The following NRXN3 variants were observed in gnomAD, a reference collection of about 807,000 sequenced individuals.
NRXN3 encodes neurexin III.
Under a neutral mutation model 137.6 loss-of-function variants are expected in NRXN3, and 32 were observed. The ratio of observed to expected loss-of-function variants is 0.23; its 90% CI spans 0.18 to 0.31. The LOEUF is 0.31. NRXN3 is among the 10% of genes least tolerant of loss of function. The probability of loss-of-function intolerance (pLI) is 1.00; values close to 1 mark genes in which losing one functional copy is unlikely to be tolerated. For missense variants in NRXN3, 1,574 were observed against 2,062.5 expected, an observed-to-expected ratio of 0.76 and a Z score of 4.59; for synonymous variants, 798 against 784.5, an observed-to-expected ratio of 1.02 and a Z score of -0.29.
intron 4 of NRXN3, among the ~76,000 whole-genome samples, chr14:78,467,141 T>C (rs2095132023): frequency 6.6e-6 from 1 of 152,194 alleles, no homozygotes; most frequent in Non-Finnish European, 1.5e-5. Flanking sequence ...TGTTGTACCC[T>C]GAACACCTGG....
chr14:79,118,972 G>T (rs944486063), intron 15 of NRXN3, among the ~76,000 whole-genome samples: 3 of 152,124 alleles, frequency 2.0e-5, no homozygotes, highest in Non-Finnish European at 2.9e-5. Context: ...TTGCATGTAG[G>T]AGCAGTCATT....
intron 15 of NRXN3, among the ~76,000 whole-genome samples, chr14:79,170,786 C>T (rs1414561818): frequency 1.3e-5 from 2 of 151,830 alleles, no homozygotes; most frequent in Admixed American, 1.3e-4. Context: ...TGATACAACC[C>T]CTATAGGAAC....
At chr14:79,498,031 C>T (rs1389832260) in intron 16 of NRXN3, among the ~76,000 whole-genome samples, 1 of 152,024 alleles carries the variant, frequency 6.6e-6, no homozygotes, top group Non-Finnish European at 1.5e-5. Context: ...GAGATTCTGT[C>T]TCAGAAAACA....
chr14:78,572,160 C>T (rs1157803165), intron 4 of NRXN3, among the ~76,000 whole-genome samples: 1 of 152,144 alleles, frequency 6.6e-6, no homozygotes, highest in Non-Finnish European at 1.5e-5. Context: ...AATTACAGTT[C>T]AAATCTGGTG....
intron 4 of NRXN3, among the ~76,000 whole-genome samples, chr14:78,639,510 T>A (rs543766011): frequency 1.3e-5 from 2 of 152,314 alleles, no homozygotes; most frequent in East Asian, 3.9e-4. Context: ...AGTGTTATCT[T>A]CTCAGATTGG....
chr14:79,412,715 G>A (rs537757983), intron 15 of NRXN3, among the ~76,000 whole-genome samples: 5 of 143,940 alleles, frequency 3.5e-5, no homozygotes, highest in Non-Finnish European at 6.1e-5. Context: ...CCCAGGTGGC[G>A]GAGGTTGTAA....
At chr14:79,088,872 C>G (rs2048635478) in intron 15 of NRXN3, among the ~76,000 whole-genome samples, 2 of 152,074 alleles carry the variant, frequency 1.3e-5, no homozygotes, top group South Asian at 4.1e-4. Context: ...ACACTTTTTT[C>G]TAACCTATAT....
chr14:78,431,388 A>G (rs570961395), intron 4 of NRXN3, among the ~76,000 whole-genome samples: 34 of 152,356 alleles, frequency 2.2e-4, no homozygotes, highest in African/African-American at 7.7e-4. Flanking sequence ...ACTGTATGCA[A>G]TGTGATGTTC....
At chr14:79,137,683 T>C (rs2152986613) in intron 15 of NRXN3, among the ~76,000 whole-genome samples, 1 of 152,360 alleles carries the variant, frequency 6.6e-6, no homozygotes, top group South Asian at 2.1e-4. Flanking sequence ...ACCCATTTCC[T>C]GGATAAAGAT....
rs142512500 is a variant in NRXN3 at position 79,630,115 on chromosome 14, C to G, written c.3445-33663C>G. ...CTTCCTGGGTAGAAATGGGGCTCTTCGGAAAAAGATTAACTTTTCTGTCCA... is the reference window on the plus strand; with the variant it reads ...CTTCCTGGGTAGAAATGGGGCTCTTGGGAAAAAGATTAACTTTTCTGTCCA... On this transcript the variant is annotated intron_variant, in intron 16 of 20. Coordinates refer to ENST00000335750, the MANE Select transcript of NRXN3 (RefSeq NM_001330195.2). 1.3e-4 allele frequency among the ~76,000 whole-genome samples: 20 copies of G among 152,224 alleles called. No individual in the cohort carries two copies. The East Asian group carries it at 3.7e-3, about 28-fold the overall frequency.
intron 15 of NRXN3, among the ~76,000 whole-genome samples, chr14:79,387,553 C>T (rs952671461): frequency 2.3e-4 from 35 of 152,112 alleles, no homozygotes; most frequent in African/African-American, 5.8e-4. Flanking sequence ...GGCGATTCCT[C>T]AGGGATCTAG....
intron 8 of NRXN3, among the ~76,000 whole-genome samples, chr14:78,784,245 C>T (rs190041338): frequency 8.5e-5 from 13 of 152,164 alleles, no homozygotes; most frequent in East Asian, 5.8e-4. Context: ...AAGAGCCAGC[C>T]GTGCAAAATG....
At chr14:78,285,388 G>T (rs2075034549) in intron 3 of NRXN3, among the ~76,000 whole-genome samples, 1 of 152,152 alleles carries the variant, frequency 6.6e-6, no homozygotes, top group Non-Finnish European at 1.5e-5. Context: ...AGTATTACAT[G>T]CCTCATTTAA....
At chr14:78,411,610 A>G (rs2092831373) in intron 4 of NRXN3, among the ~76,000 whole-genome samples, 1 of 152,210 alleles carries the variant, frequency 6.6e-6, no homozygotes, top group Non-Finnish European at 1.5e-5. Context: ...TTTGCAATTT[A>G]AAACATCACT....
In NRXN3 at chr14:79,501,418, G is replaced by T. The variant is rs17109313; in HGVS notation, c.3444+34016G>T. 5.0e-4 allele frequency among the ~76,000 whole-genome samples: 76 copies of T among 151,946 alleles called. 1 individual carries two copies. The South Asian group carries it at 0.012, about 25-fold the overall frequency. On this transcript the variant is annotated intron_variant, in intron 16 of 20. Coordinates refer to ENST00000335750, the MANE Select transcript of NRXN3 (RefSeq NM_001330195.2). ...CTGATATTACCACTATGCATCATCA[G>T]TTAAGCTGTCACCAACCTGACCTCT...
At chr14:79,665,016 C>T (rs1373253083) in intron 17 of NRXN3, among the ~76,000 whole-genome samples, 1 of 152,126 alleles carries the variant, frequency 6.6e-6, no homozygotes, top group Non-Finnish European at 1.5e-5. Context: ...GAGCCATTAG[C>T]TAATAATGGT....
At chr14:79,446,328 T>C (rs2096063342) in intron 15 of NRXN3, among the ~76,000 whole-genome samples, 1 of 152,204 alleles carries the variant, frequency 6.6e-6, no homozygotes, top group South Asian at 2.1e-4. Flanking sequence ...TATTCTGTTG[T>C]CCTCTTAGGT....
chr14:79,455,679 A>C (rs1236953487), intron 15 of NRXN3, among the ~76,000 whole-genome samples: 1 of 152,088 alleles, frequency 6.6e-6, no homozygotes, highest in Non-Finnish European at 1.5e-5. Context: ...TGTACAAAGT[A>C]TGATTTTATA....
chr14:78,304,897 G>C (rs1320729258), intron 4 of NRXN3, among the ~76,000 whole-genome samples: 1 of 152,190 alleles, frequency 6.6e-6, no homozygotes, highest in Non-Finnish European at 1.5e-5. Context: ...AAAGCCAGAA[G>C]TGGACGTGAT....
Sources: gnomAD v4.1 joint callset for allele counts (sites outside exome capture counted in the v4.1 genomes callset) on GRCh38, gnomAD v4.1.1 for gene constraint, MANE v1.5 for transcripts, NCBI Gene and HGNC (gene_info 2026-07-23, HGNC 2026-07-21) for gene names.